ADAT2: variants seen among roughly 807,000 people sequenced by gnomAD.
ADAT2 encodes the protein adenosine deaminase tRNA specific 2.
ADAT2 carries 26 observed loss-of-function variants against 25.9 expected under a neutral mutation model. That is an observed-to-expected ratio of 1.00 (90% CI 0.74 to 1.39). The LOEUF (loss-of-function observed/expected upper bound fraction) is 1.39. ADAT2 is among the 40% of genes most tolerant of loss of function. ADAT2 has a pLI of 0.00. For missense variants in ADAT2, 220 were observed against 244.8 expected (o/e 0.90, Z 0.68); for synonymous variants, 76 against 86.8 (o/e 0.88, Z 0.69).
At position 143,442,177 on chromosome 6, in the gene ADAT2, C is replaced by T. The variant is rs1215641482; in HGVS notation, c.97-3483G>A. ...ACTCAAATGCCCTTCAGTGGGTGAA[C>T]TGCTAAACAAACTATGGTACACCTG... On this transcript the variant is annotated intron_variant, in intron 1 of 5. Transcript: ENST00000237283. This position sits in a 1 kb window ranked among gnomAD's most constrained non-coding sequence, Gnocchi z 4.6. Among the ~76,000 whole-genome samples, 2 of 152,176 alleles carry T rather than the reference C, an allele frequency of 1.3e-5. No homozygotes were observed. The highest frequency in any genetic ancestry group is 2.9e-5 in the Non-Finnish European group (2 of 68,032).
chr6:143,439,551 T>C (rs950406824), intron 1 of ADAT2, among the ~76,000 whole-genome samples: 1 of 152,164 alleles, frequency 6.6e-6, no homozygotes, highest in East Asian at 1.9e-4. Flanking sequence ...ATGAGCCTCA[T>C]AGACATGCTA....
rs984853096 is a variant in ADAT2 at position 143,437,188 on chromosome 6, C to T, written c.201+1402G>A. Among the ~76,000 whole-genome samples, 1 of 152,262 alleles carries T rather than the reference C, an allele frequency of 6.6e-6. No homozygotes were observed. Among genetic ancestry groups the T allele is most frequent in the Non-Finnish European group, 1.5e-5 (1 of 67,998 alleles). On this transcript the variant is annotated intron_variant, in intron 2 of 5. Coordinates refer to ENST00000237283, the MANE Select transcript of ADAT2 (RefSeq NM_182503.3). This position sits in a 1 kb window ranked among gnomAD's most constrained non-coding sequence, Gnocchi z 4.1. ...GAACAGTTCCTATTGATTGGAACTG[C>T]TAGGGCGAAGTATATGCAAAATCTA... is the stretch of plus-strand genomic sequence containing the variant.
rs1267216136 is a variant in ADAT2, at chr6:143,427,675, T to A, written c.*788A>T. ...TTTTGCTTTTTGCCATAACTCTTATTGTCCTCCAATAAACTGTGTAATCTA... is the reference window on the plus strand; with the variant it reads ...TTTTGCTTTTTGCCATAACTCTTATAGTCCTCCAATAAACTGTGTAATCTA... On this transcript the variant is annotated 3_prime_UTR_variant, in exon 6 of 6. Transcript: ENST00000237283. 1 of 152,194 alleles carries A rather than the reference T, an allele frequency of 6.6e-6. No homozygotes were observed. Among genetic ancestry groups the A allele is most frequent in the Non-Finnish European group, 1.5e-5 (1 of 68,022 alleles). 9.4% of individuals were successfully genotyped at this position (152,194 alleles called of 1,614,324 possible). A position where few individuals can be genotyped will look rare whatever the true frequency, so the allele number is the denominator to read the frequency against.
chr6:143,428,372 T>C lies in ADAT2; in HGVS notation c.*91A>G. 7.1e-7 allele frequency: 1 copy of C among 1,408,698 alleles called. No homozygotes were observed. Among genetic ancestry groups the C allele is most frequent in the Admixed American group, 2.0e-5 (1 of 50,758 alleles). The allele number at this position is 1,408,698 out of a possible 1,614,324, so 87.3% of individuals were successfully genotyped here. On this transcript the variant is annotated 3_prime_UTR_variant, in exon 6 of 6. Transcript: ENST00000237283. The surrounding 1 kb of genome is among the most constrained non-coding windows in gnomAD (Gnocchi z 5.0). ...TTTCCTGCAGATTAAAAACAATATA[T>C]AAACATATGATTCAACGATGTCAAC...
rs1483790886 is a variant in ADAT2 at position 143,440,150 on chromosome 6, A to G, written c.97-1456T>C. The stretch of plus-strand genomic sequence containing the variant: ...CCCATCTCAATGCAGTCAAAAGAAT[A>G]TAACTGCTGTACAGCTGTTTCCAGA... On this transcript the variant is annotated intron_variant, in intron 1 of 5. Coordinates refer to ENST00000237283, the MANE Select transcript of ADAT2 (RefSeq NM_182503.3). This position sits in a 1 kb window ranked among gnomAD's most constrained non-coding sequence, Gnocchi z 4.5. 6.6e-6 allele frequency among the ~76,000 whole-genome samples: 1 copy of G among 152,206 alleles called. No homozygotes were observed. The highest frequency in any genetic ancestry group is 1.5e-5 in the Non-Finnish European group (1 of 68,030).
In ADAT2 at chr6:143,445,034, C is replaced by G. The variant is rs185724632; in HGVS notation, c.96+5529G>C. ...CAGAACTCTCAGGTAGAACATCATC[C>G]TGTCCAAAAGGCTAAACTATATAAC... On this transcript the variant is annotated intron_variant, in intron 1 of 5. Transcript: ENST00000237283. The G allele has an allele frequency of 3.9e-4, 432 of 1,094,966 alleles. No homozygotes were observed. In the African/African-American group the frequency reaches 6.2e-3, roughly 16 times the overall value. 67.8% of individuals were successfully genotyped at this position (1,094,966 alleles called of 1,614,324 possible).
chr6:143,427,277 A>G lies in ADAT2; in HGVS notation c.*1186T>C, dbSNP rs1230167738. ...ACAAGTCAGAGACATCGCTCAAATG[A>G]CAGAACCAACAAATACAGATGCTTT... On this transcript the variant is annotated 3_prime_UTR_variant, in exon 6 of 6. Coordinates refer to ENST00000237283, the MANE Select transcript of ADAT2 (RefSeq NM_182503.3). The G allele has an allele frequency of 1.3e-5, 2 of 152,682 alleles. No homozygotes were observed. The highest frequency in any genetic ancestry group is 1.3e-4 in the Admixed American group (2 of 15,292). 9.5% of individuals were successfully genotyped at this position (152,682 alleles called of 1,614,324 possible).
chr6:143,434,021 C>A lies in ADAT2; in HGVS notation c.202-40G>T. The A allele has an allele frequency of 6.2e-6, 10 of 1,607,162 alleles. No individual in the cohort carries two copies. The highest frequency in any genetic ancestry group is 8.5e-6 in the Non-Finnish European group (10 of 1,177,722). ...GGGCTTGCACTGATGCTGTTTGCTT[C>A]ATGTGACTACTATTTTACAAATATA... is the stretch of plus-strand genomic sequence containing the variant. On this transcript the variant is annotated intron_variant, in intron 2 of 5. Coordinates refer to ENST00000237283, the MANE Select transcript of ADAT2 (RefSeq NM_182503.3). The surrounding 1 kb of genome is among the most constrained non-coding windows in gnomAD (Gnocchi z 4.5).
rs1779611670 is a variant in ADAT2, at chr6:143,446,792, C to T, written c.96+3771G>A. Among the ~76,000 whole-genome samples, 1 of 151,906 alleles carries T rather than the reference C, an allele frequency of 6.6e-6. No individual in the cohort carries two copies. Among genetic ancestry groups the T allele is most frequent in the African/African-American group, 2.4e-5 (1 of 41,376 alleles). ...TGGGGAAGTTACTGAACTTTCTCAGCTTCAATATCCCATCTGAAAATGAGG... is the reference window on the plus strand; with the variant it reads ...TGGGGAAGTTACTGAACTTTCTCAGTTTCAATATCCCATCTGAAAATGAGG... On this transcript the variant is annotated intron_variant, in intron 1 of 5. Coordinates refer to ENST00000237283, the MANE Select transcript of ADAT2 (RefSeq NM_182503.3). This position sits in a 1 kb window ranked among gnomAD's most constrained non-coding sequence, Gnocchi z 5.0.
rs1779739034 is a variant in ADAT2, at chr6:143,450,692, AGAG to A, written c.-37_-35del. The A allele has an allele frequency of 4.4e-6, 7 of 1,605,240 alleles. No individual in the cohort carries two copies. The highest frequency in any genetic ancestry group is 3.4e-6 in the Non-Finnish European group (4 of 1,175,982). On this transcript the variant is annotated 5_prime_UTR_variant, in exon 1 of 6. Transcript: ENST00000237283. ...ACCACTCAGCTACAGAGCCCGCGGCAGAGGAGGAGCGCGGGCAGCGGAACGCGG... is the reference window on the plus strand; with the variant it reads ...ACCACTCAGCTACAGAGCCCGCGGCAGAGGAGCGCGGGCAGCGGAACGCGG...
intron 3 of ADAT2, 83 bp downstream of exon 3, chr6:143,433,748 T>C: frequency 7.3e-7 from 1 of 1,372,898 alleles, no homozygotes; most frequent in Non-Finnish European, 9.7e-7. Context: ...TGTTTTCATA[T>C]TTTGGAAAAC....
At position 143,425,915 on chromosome 6, in the gene ADAT2, G is replaced by A. The variant is rs1018213209; in HGVS notation, c.*2548C>T. ...ACACAGGAAGAGATGGTTGTGCCAA[G>A]TAACAAGAAAGCACAAAGATATTTT... is the stretch of plus-strand genomic sequence containing the variant. On this transcript the variant is annotated 3_prime_UTR_variant, in exon 6 of 6. Coordinates refer to ENST00000237283, the MANE Select transcript of ADAT2 (RefSeq NM_182503.3). The A allele has an allele frequency of 1.2e-4, 18 of 152,532 alleles. No homozygotes were observed. The highest frequency in any genetic ancestry group is 6.6e-5 in the Admixed American group (1 of 15,266). 9.4% of individuals were successfully genotyped at this position (152,532 alleles called of 1,614,324 possible). A position where few individuals can be genotyped will look rare whatever the true frequency, so the allele number is the denominator to read the frequency against.
chr6:143,429,002 G>A (rs1163062945), intron 4 of ADAT2, among the ~76,000 whole-genome samples: 1 of 148,674 alleles, frequency 6.7e-6, no homozygotes, highest in Non-Finnish European at 1.5e-5. Flanking sequence ...ATACAATGCT[G>A]GCAATAATAG....
chr6:143,433,735 C>T, intron 3 of ADAT2, 96 bp downstream of exon 3: 1 of 1,285,568 alleles, frequency 7.8e-7, no homozygotes, highest in Non-Finnish European at 1.0e-6. Flanking sequence ...TTTCCTAAGT[C>T]TGTGTTTTCA....
intron 4 of ADAT2, among the ~76,000 whole-genome samples, chr6:143,429,304 T>C (rs1389986564): frequency 2.0e-5 from 3 of 152,202 alleles, no homozygotes; most frequent in Non-Finnish European, 4.4e-5. Context: ...GGGTGAAATA[T>C]TTACTAGTTA....
chr6:143,437,688 T>C lies in ADAT2; in HGVS notation c.201+902A>G, dbSNP rs1779331913. ...CCTATTTTACATGTGTTTTGCTAAA[T>C]ATCAGTTTTCTTTTCAATAGATGTG... On this transcript the variant is annotated intron_variant, in intron 2 of 5. Transcript: ENST00000237283. This position sits in a 1 kb window ranked among gnomAD's most constrained non-coding sequence, Gnocchi z 4.1. Among the ~76,000 whole-genome samples, 1 of 152,212 alleles carries C rather than the reference T, an allele frequency of 6.6e-6. No homozygotes were observed. The highest frequency in any genetic ancestry group is 2.4e-5 in the African/African-American group (1 of 41,454).
At position 143,436,938 on chromosome 6, in the gene ADAT2, C is replaced by G. The variant is rs148478394; in HGVS notation, c.201+1652G>C. On this transcript the variant is annotated intron_variant, in intron 2 of 5. Coordinates refer to ENST00000237283, the MANE Select transcript of ADAT2 (RefSeq NM_182503.3). The surrounding 1 kb of genome is among the most constrained non-coding windows in gnomAD (Gnocchi z 4.1). ...TTACAGGGTAAATTTAAAACTGATT[C>G]ATTAAAAAGTTGTCTTTTTCAAGAA... is the stretch of plus-strand genomic sequence containing the variant. Among the ~76,000 whole-genome samples, 89 of 152,188 alleles carry G rather than the reference C, an allele frequency of 5.8e-4. 1 individual carries two copies. The East Asian group carries it at 0.016, about 28-fold the overall frequency.
intron 1 of ADAT2, among the ~76,000 whole-genome samples, chr6:143,450,248 T>G (rs1382022050): frequency 6.6e-6 from 1 of 152,010 alleles, no homozygotes; most frequent in Non-Finnish European, 1.5e-5. Context: ...TGTGACTTTG[T>G]AGATTGGAGA....
chr6:143,446,695 A>G lies in ADAT2; in HGVS notation c.96+3868T>C, dbSNP rs1200011733. ...AGTGAGCTACCTAACACCGAGAGGC[A>G]GGCCAGGCCAGTATTTAACAGCAGA... On this transcript the variant is annotated intron_variant, in intron 1 of 5. Transcript: ENST00000237283. This position sits in a 1 kb window ranked among gnomAD's most constrained non-coding sequence, Gnocchi z 5.0. Among the ~76,000 whole-genome samples the G allele has an allele frequency of 6.6e-6, 1 of 152,066 alleles. No individual in the cohort carries two copies.
Sources: allele counts gnomAD v4.1 joint callset (sites outside exome capture counted in the v4.1 genomes callset), GRCh38; gene constraint gnomAD v4.1.1; non-coding constraint Gnocchi (gnomAD v3.1); transcripts MANE v1.5; gene names NCBI Gene and HGNC (gene_info 2026-07-23, HGNC 2026-07-21).